CEP152: variants seen among roughly 807,000 people sequenced by gnomAD.
The protein encoded by CEP152 is centrosomal protein 152.
Under a neutral mutation model 188.9 loss-of-function variants are expected in CEP152, and 132 were observed. The observed-to-expected ratio is 0.70, with a 90% CI of 0.61 to 0.81. CEP152 has a LOEUF of 0.81. CEP152 is among the 30% of genes least tolerant of loss of function. The probability of loss-of-function intolerance (pLI) is 0.00; values close to 1 mark genes in which losing one functional copy is unlikely to be tolerated. For synonymous variants in CEP152, 649 were observed against 666.6 expected, an observed-to-expected ratio of 0.97 and a Z score of 0.41; for missense variants, 1,914 against 1,969.8, an observed-to-expected ratio of 0.97 and a Z score of 0.54.
intron 2 of CEP152, among the ~76,000 whole-genome samples, chr15:48,802,683 C>T (rs967925212): frequency 1.3e-5 from 2 of 152,100 alleles, no homozygotes; most frequent in Admixed American, 6.5e-5. Flanking sequence ...TTGAGATCCA[C>T]TGGTCTAAAT....
chr15:48,787,513 T>C (rs1896741932), intron 9 of CEP152, among the ~76,000 whole-genome samples: 1 of 152,044 alleles, frequency 6.6e-6, no homozygotes, highest in African/African-American at 2.4e-5. Flanking sequence ...ATTGATCAAA[T>C]TCACAATTTT....
downstream of CEP152, among the ~76,000 whole-genome samples, chr15:48,737,643 C>G (rs1401172718): frequency 6.6e-6 from 1 of 151,848 alleles, no homozygotes; most frequent in East Asian, 1.9e-4. Flanking sequence ...CAAGTAAGAA[C>G]TAAAAAAATT....
chr15:48,810,545 G>C (rs1389426187), intron 1 of CEP152: 2 of 152,270 alleles, frequency 1.3e-5, no homozygotes, highest in African/African-American at 2.4e-5. Flanking sequence ...CGTCAGCTAC[G>C]GCACTACAAA....
chr15:48,756,737 A>ATG (rs1566988175), intron 19 of CEP152, among the ~76,000 whole-genome samples, 184 bp from the exon 20 acceptor site: 9 of 152,204 alleles, frequency 5.9e-5, no homozygotes, highest in African/African-American at 2.2e-4. Flanking sequence ...TGGTCAAAAT[A>ATG]TATACATAAA....
intron 6 of CEP152, among the ~76,000 whole-genome samples, chr15:48,795,546 C>A (rs545750569): frequency 6.6e-6 from 1 of 152,202 alleles, no homozygotes; most frequent in African/African-American, 2.4e-5. Flanking sequence ...GTCCAGGTAT[C>A]CTGTATGATA....
chr15:48,762,352 C>T (rs775418478), intron 18 of CEP152, 39 bp downstream of exon 18: 1 of 1,557,186 alleles, frequency 6.4e-7, no homozygotes, highest in Admixed American at 1.7e-5. Flanking sequence ...AAGAGACAGG[C>T]AGTTCCAATA....
At chr15:48,767,296 C>G in intron 16 of CEP152, 39 bp downstream of exon 16, 5 of 1,614,086 alleles carry the variant, frequency 3.1e-6, no homozygotes, top group Non-Finnish European at 4.2e-6. Flanking sequence ...GGAATGTAGT[C>G]TCTACAGCTT....
intron 26 of CEP152, 47 bp downstream of exon 26, chr15:48,741,554 A>G (rs536925586): frequency 6.2e-7 from 1 of 1,613,574 alleles, no homozygotes. Context: ...TTAAATAGCT[A>G]AAGAAGAAAA....
chr15:48,742,048 T>C lies in CEP152; in HGVS notation c.3888A>G (p.Val1296=), dbSNP rs1488242999. The change falls in exon 25 of 27, where the codon GTA becomes GTG. Residue 1296 remains valine (V), a synonymous_variant. Coordinates refer to ENST00000380950, the MANE Select transcript of CEP152 (RefSeq NM_001194998.2). ...GACGTTCTCGCAGTACCTCTGCTTT[T>C]ACCATTTCTGCAGCTCGTTCCTTAC... ...QESKERAAEM[V]KAEVLRERQE... is the part of the protein sequence containing the mutation. 1 of 1,614,174 alleles carries C rather than the reference T, an allele frequency of 6.2e-7. No homozygotes were observed. The highest frequency in any genetic ancestry group is 8.5e-7 in the Non-Finnish European group (1 of 1,180,022).
chr15:48,798,015 G>C lies in CEP152; in HGVS notation c.124C>G (p.Leu42Val). 1 of 1,614,070 alleles carries C rather than the reference G, an allele frequency of 6.2e-7. No homozygotes were observed. The highest frequency in any genetic ancestry group is 8.5e-7 in the Non-Finnish European group (1 of 1,179,962). The change falls in exon 3 of 27, where the codon CTG becomes GTG. Residue 42 changes from leucine (L) to valine (V), a missense_variant. Transcript: ENST00000380950. ...QLLTDLPHDM[L>V]DDDLSSPELQ... Reference sequence around the variant, plus strand: ...TCTGGAGAGGAGAGGTCGTCATCCAGCATGTCATGGGGAAGGTCTGTGAGT... The same window carrying C: ...TCTGGAGAGGAGAGGTCGTCATCCACCATGTCATGGGGAAGGTCTGTGAGT...
At chr15:48,736,047 A>AGCG (rs1892584875), downstream of CEP152, among the ~76,000 whole-genome samples, 1 of 152,222 alleles carries the variant, frequency 6.6e-6, no homozygotes, top group Non-Finnish European at 1.5e-5. Flanking sequence ...TAGATAAAAT[A>AGCG]GCCAAATTCC....
At chr15:48,790,399 A>G (rs1043882237) in intron 8 of CEP152, among the ~76,000 whole-genome samples, 1 of 152,226 alleles carries the variant, frequency 6.6e-6, no homozygotes, top group Non-Finnish European at 1.5e-5. Context: ...GCTACCTTAC[A>G]TATAAAGTGA....
In CEP152 at chr15:48,796,135, G is replaced by T. The variant is rs201999798; in HGVS notation, c.566C>A (p.Pro189Gln). ...AGGTTTATATGTCACTTTATTATAC[G>T]GTTCCAAACCTTGACAACTGGGACC... The part of the protein sequence containing the change: ...FQGPSCQGLE[P>Q]YNKVTYKPYQ... Residue 189 changes from proline to glutamine, a missense_variant, in exon 6 of 27, where the codon CCG becomes CAG. Coordinates refer to ENST00000380950, the MANE Select transcript of CEP152 (RefSeq NM_001194998.2). 20 of 1,613,452 alleles carry T rather than the reference G, an allele frequency of 1.2e-5. No individual in the cohort carries two copies. The Admixed American group carries it at 2.5e-4, about 20-fold the overall frequency.
intron 19 of CEP152, 150 bp from the exon 20 acceptor site, chr15:48,756,703 TA>T (rs1356980601): frequency 1.3e-6 from 1 of 742,886 alleles, no homozygotes; most frequent in Non-Finnish European, 2.2e-6. Context: ...GACATTATTC[TA>T]AAAACTATAC....
intron 17 of CEP152, among the ~76,000 whole-genome samples, chr15:48,763,023 C>T (rs1029141446): frequency 2.0e-5 from 3 of 151,940 alleles, no homozygotes; most frequent in Admixed American, 1.3e-4. Context: ...TGTGTTTTGC[C>T]ATCAACACCA....
intron 7 of CEP152, among the ~76,000 whole-genome samples, chr15:48,792,633 G>C (rs1897055789): frequency 6.6e-6 from 1 of 152,164 alleles, no homozygotes; most frequent in Non-Finnish European, 1.5e-5. Flanking sequence ...AAACGCTGCA[G>C]TGCAAACTAA....
At chr15:48,733,611 A>C (rs192212793), downstream of CEP152, among the ~76,000 whole-genome samples, 243 of 152,330 alleles carry the variant, frequency 1.6e-3, 2 homozygotes, top group African/African-American at 5.5e-3. Context: ...TTGAAGAAAT[A>C]GTGGCCAAAA....
chr15:48,748,514 T>C lies in CEP152; in HGVS notation c.3563A>G (p.Lys1188Arg). The C allele has an allele frequency of 6.5e-7, 1 of 1,535,310 alleles. No homozygotes were observed. The highest frequency in any genetic ancestry group is 8.7e-7 in the Non-Finnish European group (1 of 1,146,428). Reference protein sequence around the residue: ...AKQECQDLKGKLEKCCRHLQH... With the variant: ...AKQECQDLKGRLEKCCRHLQH... ...AAGATGCCTACAGCATTTCTCCAGT[T>C]TTCCTTTCAGATCTTGACATTCCTG... The change falls in exon 22 of 27, where the codon AAA (lysine) becomes AGA (arginine). Residue 1188 changes from lysine to arginine, a missense_variant. Lys to Arg is a conservative substitution (Grantham distance 26, BLOSUM62 2). Transcript: ENST00000380950.
Position 48,742,043 on chromosome 15 carries a change from G to A in CEP152, c.3893C>T (p.Ala1298Val). 2 of 1,614,060 alleles carry A rather than the reference G, an allele frequency of 1.2e-6. No homozygotes were observed. Among genetic ancestry groups the A allele is most frequent in the Non-Finnish European group, 1.7e-6 (2 of 1,179,974 alleles). ...SKERAAEMVK[A>V]EVLRERQETA... ...TTCTTGACGTTCTCGCAGTACCTCT[G>A]CTTTTACCATTTCTGCAGCTCGTTC... The change falls in exon 25 of 27, where the codon GCA becomes GTA. Residue 1298 changes from alanine to valine, a missense_variant. By Grantham distance (64) the Ala-to-Val change is moderately conservative. Transcript: ENST00000380950.
Sources: gnomAD v4.1 joint callset for allele counts (sites outside exome capture counted in the v4.1 genomes callset) on GRCh38, gnomAD v4.1.1 for gene constraint, MANE v1.5 for transcripts, NCBI Gene and HGNC (gene_info 2026-07-23, HGNC 2026-07-21) for gene names.